USP34: variants seen among roughly 807,000 people sequenced by gnomAD.
USP34 encodes ubiquitin carboxyl-terminal hydrolase 34.
In USP34, 70 loss-of-function variants were observed where a neutral mutation model predicts 460.3. That is an observed-to-expected ratio of 0.15 (90% CI 0.13 to 0.19). The LOEUF (loss-of-function observed/expected upper bound fraction) is 0.19, where lower values mean the gene tolerates loss of function less well. USP34 is among the 10% of genes least tolerant of loss of function. The pLI, the probability that USP34 is intolerant of heterozygous loss-of-function variation, is 1.00. For synonymous variants in USP34, 1,647 were observed against 1,405.3 expected (o/e 1.17, Z -3.85); for missense variants, 3,985 against 4,236.2 (o/e 0.94, Z 1.65).
rs1384811278 is a variant in USP34 at position 61,214,672 on chromosome 2, G to C, written c.8070C>G (p.Ser2690=). ...GACGGAATGAATTGCTTGGTATAAG[G>C]GACACCAGAAGATAAGCTGCAGCTA... ...VRTSAAYLLV[S]LIPSNSFRQM... Residue 2690 remains serine, a synonymous_variant, in exon 68 of 80, where the codon TCC becomes TCG. Coordinates refer to ENST00000398571, the MANE Select transcript of USP34 (RefSeq NM_014709.4). The C allele has an allele frequency of 6.2e-7, 1 of 1,613,942 alleles. No homozygotes were observed. Among genetic ancestry groups the C allele is most frequent in the East Asian group, 2.2e-5 (1 of 44,884 alleles).
intron 27 of USP34, among the ~76,000 whole-genome samples, chr2:61,307,111 T>C (rs1185457735): frequency 2.0e-5 from 3 of 152,052 alleles, no homozygotes; most frequent in Non-Finnish European, 4.4e-5. Context: ...GTGGCACATA[T>C]ACACCATGGA....
chr2:61,296,994 T>C, intron 29 of USP34, 69 bp from the exon 30 acceptor site: 1 of 1,499,448 alleles, frequency 6.7e-7, no homozygotes, highest in Non-Finnish European at 8.9e-7. Flanking sequence ...TTCAAATTTT[T>C]GCATAAAGTA....
In USP34 at chr2:61,192,775, T is replaced by C. The variant is rs1003836636; in HGVS notation, c.9588+126A>G. On this transcript the variant is annotated intron_variant, in intron 76 of 79. Coordinates refer to ENST00000398571, the MANE Select transcript of USP34 (RefSeq NM_014709.4). ...TAGCTAGTATTTTCATTCATTCATA[T>C]GTTACCTATCAAGATTCTAAAATGT... 3.1e-5 allele frequency: 20 copies of C among 652,072 alleles called. No individual in the cohort carries two copies. In the African/African-American group the frequency reaches 3.5e-4, roughly 11 times the overall value. 40.4% of individuals were successfully genotyped at this position (652,072 alleles called of 1,614,324 possible). A position where few individuals can be genotyped will look rare whatever the true frequency, so the allele number is the denominator to read the frequency against.
chr2:61,418,783 A>C (rs981045799), intron 2 of USP34, among the ~76,000 whole-genome samples: 1 of 152,198 alleles, frequency 6.6e-6, no homozygotes, highest in Non-Finnish European at 1.5e-5. Flanking sequence ...CCCTTCTATC[A>C]GCACAATTAA....
At chr2:61,459,045 G>A in intron 1 of USP34, among the ~76,000 whole-genome samples, 1 of 152,166 alleles carries the variant, frequency 6.6e-6, no homozygotes, top group Non-Finnish European at 1.5e-5. Flanking sequence ...CAACCTGGGT[G>A]ACAAATCAAG....
chr2:61,251,225 A>C (rs1688573115), intron 48 of USP34, among the ~76,000 whole-genome samples: 1 of 152,208 alleles, frequency 6.6e-6, no homozygotes, highest in African/African-American at 2.4e-5. Flanking sequence ...ATTAGACATA[A>C]ATATCTGAAT....
chr2:61,267,783 T>G lies in USP34; in HGVS notation c.5434-1616A>C, dbSNP rs531033960. 2.1e-3 allele frequency among the ~76,000 whole-genome samples: 326 copies of G among 152,200 alleles called. 1 individual carries two copies. The highest frequency in any genetic ancestry group is 3.6e-3 in the Non-Finnish European group (242 of 68,000). ...CGCCCACCACAACACCCGGTCTTAA[T>G]TTTTTGTATTTTTTAGTAGAGACGG... On this transcript the variant is annotated intron_variant, in intron 41 of 79. Transcript: ENST00000398571.
intron 39 of USP34, 27 bp downstream of exon 39, chr2:61,280,217 G>C (rs1689494064): frequency 7.9e-7 from 1 of 1,270,250 alleles, no homozygotes; most frequent in South Asian, 1.4e-5. Context: ...AGAATACATA[G>C]AATAGTATAT....
Position 61,348,739 on chromosome 2 carries a change from A to G in USP34, c.1674+17T>C. 2 of 1,605,092 alleles carry G rather than the reference A, an allele frequency of 1.2e-6. No homozygotes were observed. The highest frequency in any genetic ancestry group is 1.7e-6 in the Non-Finnish European group (2 of 1,176,780). On this transcript the variant is annotated intron_variant, in intron 14 of 79. Coordinates refer to ENST00000398571, the MANE Select transcript of USP34 (RefSeq NM_014709.4). ...AGCCAAAAATGCCTATAAAAGAAGA[A>G]AAACCTATTTTCATACCTCTGTGTC...
At chr2:61,213,942 G>A (rs1253918799) in intron 68 of USP34, 118 bp downstream of exon 68, 6 of 1,230,414 alleles carry the variant, frequency 4.9e-6, no homozygotes, top group Middle Eastern at 2.5e-4. Flanking sequence ...TACACATTAA[G>A]TTCTTAAGAA....
At chr2:61,416,986 A>G in intron 2 of USP34, 2 of 1,318,406 alleles carry the variant, frequency 1.5e-6, no homozygotes, top group Non-Finnish European at 2.2e-6. Context: ...CATATCTTCA[A>G]ATTCATCGGC....
chr2:61,394,769 C>A, intron 5 of USP34, 84 bp downstream of exon 5: 1 of 1,143,346 alleles, frequency 8.7e-7, no homozygotes, highest in Admixed American at 3.5e-5. Context: ...CATTCAAAAC[C>A]TTCCTTTTCA....
intron 10 of USP34, among the ~76,000 whole-genome samples, chr2:61,353,859 G>C (rs1692027797): frequency 1.3e-5 from 2 of 152,090 alleles, no homozygotes; most frequent in African/African-American, 4.8e-5. Context: ...AGAAATTATG[G>C]AAATGAAAGG....
intron 63 of USP34, 25 bp downstream of exon 63, chr2:61,223,223 T>A: frequency 6.2e-7 from 1 of 1,613,812 alleles, no homozygotes; most frequent in Non-Finnish European, 8.5e-7. Flanking sequence ...ATGATCAAAT[T>A]GTCTAATATT....
At chr2:61,341,348 T>C (rs1691592400) in intron 16 of USP34, among the ~76,000 whole-genome samples, 2 of 152,244 alleles carry the variant, frequency 1.3e-5, no homozygotes, top group Admixed American at 6.5e-5. Flanking sequence ...GGTAGGTATA[T>C]ATTTAACTTT....
intron 16 of USP34, 125 bp from the exon 17 acceptor site, chr2:61,339,806 A>C: frequency 1.1e-5 from 5 of 467,296 alleles, no homozygotes; most frequent in Non-Finnish European, 1.8e-5. Flanking sequence ...AAATAAAAAC[A>C]CATTAGCACA....
chr2:61,374,916 A>G (rs1236002316), intron 8 of USP34, among the ~76,000 whole-genome samples: 2 of 152,204 alleles, frequency 1.3e-5, no homozygotes, highest in African/African-American at 4.8e-5. Context: ...TGCAACAAGA[A>G]TATAGGAAAC....
chr2:61,452,892 C>A (rs1464762536), intron 1 of USP34, among the ~76,000 whole-genome samples: 2 of 113,520 alleles, frequency 1.8e-5, no homozygotes, highest in African/African-American at 7.0e-5. Flanking sequence ...ACTATGATGA[C>A]CCACCCCACA....
chr2:61,451,250 T>C (rs9751505), intron 1 of USP34, among the ~76,000 whole-genome samples: 1 of 78,940 alleles, frequency 1.3e-5, no homozygotes, highest in African/African-American at 5.1e-5. Context: ...AAAAAAGAAA[T>C]GAATAACTTT....
Sources: allele counts gnomAD v4.1 joint callset (sites outside exome capture counted in the v4.1 genomes callset), GRCh38; gene constraint gnomAD v4.1.1; transcripts MANE v1.5; gene names NCBI Gene and HGNC (gene_info 2026-07-23, HGNC 2026-07-21).